MUSK: variants seen among roughly 807,000 people sequenced by gnomAD.
MUSK encodes the protein muscle, skeletal receptor tyrosine-protein kinase.
MUSK carries 55 observed loss-of-function variants against 88.7 expected under a neutral mutation model. The ratio of observed to expected loss-of-function variants is 0.62; its 90% CI spans 0.50 to 0.78. MUSK has a LOEUF of 0.78. MUSK is among the 30% of genes least tolerant of loss of function. The probability of loss-of-function intolerance (pLI) is 0.00; values close to 1 mark genes in which losing one functional copy is unlikely to be tolerated. For missense variants in MUSK, 1,015 were observed against 1,074.3 expected (o/e 0.94, Z 0.77); for synonymous variants, 387 against 391.9 (o/e 0.99, Z 0.15).
chr9:110,682,845 T>C (rs368885957), intron 2 of MUSK, 45 bp downstream of exon 2: 18 of 1,403,140 alleles, frequency 1.3e-5, no homozygotes, highest in Middle Eastern at 2.0e-4. Flanking sequence ...TGTGGGTATA[T>C]AGTAGGTGTA....
At position 110,804,495 on chromosome 9, in the gene MUSK, A is replaced by G. The variant is rs980899489; in HGVS notation, c.*3507A>G. Among the ~76,000 whole-genome samples the G allele has an allele frequency of 3.3e-5, 5 of 152,042 alleles. No homozygotes were observed. The highest frequency in any genetic ancestry group is 1.2e-4 in the African/African-American group (5 of 41,424). ...TCTTTTTAATTTTATTTTTTAAATTACTAGTCAGGTTGAATGTTTCTTGTT... is the reference window on the plus strand; with the variant it reads ...TCTTTTTAATTTTATTTTTTAAATTGCTAGTCAGGTTGAATGTTTCTTGTT... On this transcript the variant is annotated 3_prime_UTR_variant, in exon 15 of 15. Coordinates refer to ENST00000374448, the MANE Select transcript of MUSK (RefSeq NM_005592.4).
At chr9:110,768,233 C>A (rs1588015365) in intron 9 of MUSK, 150 bp downstream of exon 9, 1 of 825,616 alleles carries the variant, frequency 1.2e-6, no homozygotes, top group East Asian at 2.6e-5. Flanking sequence ...TGCAGTGGCT[C>A]ATGCCTGTAA....
intron 5 of MUSK, among the ~76,000 whole-genome samples, chr9:110,701,698 T>C (rs1387958021): frequency 0.45 from 48 of 106 alleles, 6 homozygotes; most frequent in Non-Finnish European, 0.47. Context: ...TACTTTATTT[T>C]ATTTTATTTT....
At chr9:110,696,285 A>G (rs1249154075) in intron 4 of MUSK, among the ~76,000 whole-genome samples, 3 of 152,008 alleles carry the variant, frequency 2.0e-5, no homozygotes, top group Non-Finnish European at 4.4e-5. Flanking sequence ...CTCAAAAAAA[A>G]AAAAAGTTAT....
Position 110,747,751 on chromosome 9 carries a change from T to C in MUSK, c.864T>C (p.His288=), listed in dbSNP as rs766946517. The change falls in exon 7 of 15, where the codon CAT becomes CAC. Residue 288 remains histidine (H), a synonymous_variant. Transcript: ENST00000374448. ...GLYTCIATNK[H]GEKFSTAKAA... ...ACACATGCATAGCTACCAATAAGCA[T>C]GGGGAGAAGTTCAGTACTGCCAAGG... 3 of 1,613,740 alleles carry C rather than the reference T, an allele frequency of 1.9e-6. No individual in the cohort carries two copies. Among genetic ancestry groups the C allele is most frequent in the Non-Finnish European group, 2.5e-6 (3 of 1,179,828 alleles).
intron 11 of MUSK, among the ~76,000 whole-genome samples, chr9:110,778,192 A>G (rs1490635545): frequency 6.6e-6 from 1 of 152,104 alleles, no homozygotes; most frequent in Non-Finnish European, 1.5e-5. Flanking sequence ...TTCCTTGAGC[A>G]TAGGGACTAG....
chr9:110,775,762 G>A, intron 9 of MUSK, 26 bp from the exon 10 acceptor site: 1 of 1,609,750 alleles, frequency 6.2e-7, no homozygotes, highest in Non-Finnish European at 8.5e-7. Context: ...GATTCATCAA[G>A]TTTTGTTCTC....
In MUSK at chr9:110,800,666, C is replaced by T. The variant is rs759515313; in HGVS notation, c.2288C>T (p.Ala763Val). The T allele has an allele frequency of 3.7e-6, 6 of 1,613,856 alleles. No individual in the cohort carries two copies. In the African/African-American group the frequency reaches 8.0e-5, roughly 22 times the overall value. ...ADYYKANEND[A>V]IPIRWMPPES... ...TACTACAAAGCTAATGAAAACGACGCTATCCCTATCCGTTGGATGCCACCA... is the reference window on the plus strand; with the variant it reads ...TACTACAAAGCTAATGAAAACGACGTTATCCCTATCCGTTGGATGCCACCA... The change falls in exon 15 of 15, where the codon GCT becomes GTT. Residue 763 changes from alanine (A) to valine (V), a missense_variant. Physicochemically the swap from Ala to Val is moderately conservative, Grantham distance 64. Transcript: ENST00000374448.
At chr9:110,722,217 C>CA (rs1284431316) in intron 5 of MUSK, among the ~76,000 whole-genome samples, 1 of 152,012 alleles carries the variant, frequency 6.6e-6, no homozygotes, top group Non-Finnish European at 1.5e-5. Flanking sequence ...AAAGCAAATG[C>CA]AACAAAAACA....
intron 6 of MUSK, among the ~76,000 whole-genome samples, chr9:110,743,707 C>T (rs2077132654): frequency 6.6e-6 from 1 of 152,132 alleles, no homozygotes; most frequent in African/African-American, 2.4e-5. Context: ...TTTTAAGAGG[C>T]AGTAGTTTTG....
At chr9:110,754,637 C>A (rs1198781620) in intron 7 of MUSK, among the ~76,000 whole-genome samples, 1 of 152,202 alleles carries the variant, frequency 6.6e-6, no homozygotes, top group Admixed American at 6.5e-5. Context: ...TTTACATAAC[C>A]TTGGCCCCCT....
Position 110,803,962 on chromosome 9 carries a change from A to G in MUSK, c.*2974A>G, listed in dbSNP as rs1461827528. On this transcript the variant is annotated 3_prime_UTR_variant, in exon 15 of 15. Coordinates refer to ENST00000374448, the MANE Select transcript of MUSK (RefSeq NM_005592.4). ...CACCAGCAGTCATTTTTAGTGATCA[A>G]ATACCAAACATGGTAAGATACCAGA... Among the ~76,000 whole-genome samples the G allele has an allele frequency of 6.6e-6, 1 of 152,240 alleles. No homozygotes were observed. The highest frequency in any genetic ancestry group is 1.9e-4 in the East Asian group (1 of 5,206).
At chr9:110,778,759 T>C (rs1262173120) in intron 11 of MUSK, among the ~76,000 whole-genome samples, 2 of 152,102 alleles carry the variant, frequency 1.3e-5, no homozygotes, top group African/African-American at 4.8e-5. Flanking sequence ...ATTTCTGTTA[T>C]TACTAATGTT....
chr9:110,711,713 A>G (rs2076673649), intron 5 of MUSK, among the ~76,000 whole-genome samples: 1 of 152,170 alleles, frequency 6.6e-6, no homozygotes, highest in African/African-American at 2.4e-5. Flanking sequence ...CCATATGGTT[A>G]ACATTGTTGA....
rs143542195 is a variant in MUSK, at chr9:110,774,858, C to CAT, written c.1185-922_1185-921dup. Among the ~76,000 whole-genome samples, 126 of 124,436 alleles carry CAT rather than the reference C, an allele frequency of 1.0e-3. No homozygotes were observed. In the East Asian group the frequency reaches 0.014, roughly 13 times the overall value. 81.6% of individuals were successfully genotyped at this position (124,436 alleles called of 152,430 possible). On this transcript the variant is annotated intron_variant, in intron 9 of 14. Transcript: ENST00000374448. The stretch of plus-strand genomic sequence containing the variant: ...AGTATGAAAAAAGACACCATTGTGG[C>CAT]ATATATATACACACACACACACACA...
Position 110,695,384 on chromosome 9 carries a change from A to C in MUSK, c.359-19A>C. 1.4e-6 allele frequency: 2 copies of C among 1,443,764 alleles called. No individual in the cohort carries two copies. The highest frequency in any genetic ancestry group is 1.9e-6 in the Non-Finnish European group (2 of 1,071,644). The allele number at this position is 1,443,764 out of a possible 1,614,324, so 89.4% of individuals were successfully genotyped here. A position where few individuals can be genotyped will look rare whatever the true frequency, so the allele number is the denominator to read the frequency against. On this transcript the variant is annotated intron_variant, in intron 3 of 14. Transcript: ENST00000374448. ...AAGCCATATTGCCTTATTTATTTTG[A>C]ATTTTCATTTCTTTTTAGAACCTAA...
chr9:110,769,290 C>G (rs2077531547), intron 9 of MUSK, among the ~76,000 whole-genome samples: 1 of 152,134 alleles, frequency 6.6e-6, no homozygotes, highest in Admixed American at 6.5e-5. Flanking sequence ...ACAGTATGGT[C>G]ATTAAATTAG....
chr9:110,696,150 G>A (rs899363209), intron 4 of MUSK, among the ~76,000 whole-genome samples: 1 of 151,940 alleles, frequency 6.6e-6, no homozygotes, highest in African/African-American at 2.4e-5. Flanking sequence ...GGTGGTGTGT[G>A]CCTATAATCC....
At position 110,701,687 on chromosome 9, in the gene MUSK, T is replaced by G. The variant is rs550231039; in HGVS notation, c.628+4221T>G. ...TTTATTTTATTTTATTTTTTTTACT[T>G]TACTTTATTTTATTTTATTTTATTT... is the stretch of plus-strand genomic sequence containing the variant. On this transcript the variant is annotated intron_variant, in intron 5 of 14. Transcript: ENST00000374448. Among the ~76,000 whole-genome samples, 15 of 8,604 alleles carry G rather than the reference T, an allele frequency of 1.7e-3. 7 individuals are homozygous for G. The highest frequency in any genetic ancestry group is 4.0e-3 in the Admixed American group (7 of 1,760). 5.6% of individuals were successfully genotyped at this position (8,604 alleles called of 152,430 possible).
Sources: gnomAD v4.1 joint callset for allele counts (sites outside exome capture counted in the v4.1 genomes callset) on GRCh38, gnomAD v4.1.1 for gene constraint, MANE v1.5 for transcripts, NCBI Gene and HGNC (gene_info 2026-07-23, HGNC 2026-07-21) for gene names.